CFAP95: variants seen among roughly 807,000 people sequenced by gnomAD.
CFAP95 encodes cilia and flagella associated protein 95.
At chr9:69,823,259 T>C in the CFAP95 span, among the ~76,000 whole-genome samples, 5 of 150,808 alleles carry the variant, frequency 3.3e-5, no homozygotes, top group Admixed American at 1.3e-4. Context: ...ACTATCATGA[T>C]AGCATGGGGA....
the CFAP95 span, among the ~76,000 whole-genome samples, chr9:69,880,969 T>C: frequency 1.7e-4 from 26 of 152,316 alleles, no homozygotes; most frequent in African/African-American, 6.3e-4. Flanking sequence ...TTTTGAGAAA[T>C]GTCTATTCAA....
the CFAP95 span, among the ~76,000 whole-genome samples, chr9:69,859,715 G>A: frequency 1.3e-5 from 2 of 152,146 alleles, no homozygotes; most frequent in Admixed American, 1.3e-4. Flanking sequence ...GAAATGTGTT[G>A]TTAGGTGATT....
the CFAP95 span, among the ~76,000 whole-genome samples, chr9:69,903,715 C>A: frequency 6.6e-6 from 1 of 152,284 alleles, no homozygotes; most frequent in African/African-American, 2.4e-5. Context: ...TTTCTAATGT[C>A]AGAATTGCTT....
At chr9:69,863,314 A>G in the CFAP95 span, among the ~76,000 whole-genome samples, 1 of 151,862 alleles carries the variant, frequency 6.6e-6, no homozygotes, top group African/African-American at 2.4e-5. Context: ...AGTCTCTAAC[A>G]TGGATAACTT....
At chr9:69,905,104 C>G in the CFAP95 span, among the ~76,000 whole-genome samples, 1 of 152,098 alleles carries the variant, frequency 6.6e-6, no homozygotes, top group Non-Finnish European at 1.5e-5. Flanking sequence ...TTGTGCCTAA[C>G]CCATAATAGG....
At chr9:69,857,619 G>T in the CFAP95 span, among the ~76,000 whole-genome samples, 4 of 152,148 alleles carry the variant, frequency 2.6e-5, no homozygotes, top group Admixed American at 2.6e-4. Flanking sequence ...CTGCCTCTCA[G>T]GTTCAAGCAA....
At chr9:69,838,320 G>A in the CFAP95 span, among the ~76,000 whole-genome samples, 1 of 151,848 alleles carries the variant, frequency 6.6e-6, no homozygotes, top group Non-Finnish European at 1.5e-5. Flanking sequence ...AATTACCTTG[G>A]GCAGTATGGC....
the CFAP95 span, chr9:69,857,989 C>T: frequency 3.1e-6 from 5 of 1,609,860 alleles, no homozygotes; most frequent in Non-Finnish European, 4.3e-6. Context: ...TTAGTAGTCC[C>T]TAAACTGCTA....
chr9:69,832,581 T>C, the CFAP95 span, among the ~76,000 whole-genome samples: 1 of 150,708 alleles, frequency 6.6e-6, no homozygotes, highest in Non-Finnish European at 1.5e-5. Context: ...AGCTCTGTGA[T>C]AATTTTCTTT....
chr9:69,852,493 C>A, the CFAP95 span, among the ~76,000 whole-genome samples: 1 of 152,076 alleles, frequency 6.6e-6, no homozygotes, highest in African/African-American at 2.4e-5. Flanking sequence ...TGCTGTGAAT[C>A]CCACCCCTTT....
chr9:69,880,777 C>G, the CFAP95 span, among the ~76,000 whole-genome samples: 1 of 152,164 alleles, frequency 6.6e-6, no homozygotes, highest in Non-Finnish European at 1.5e-5. Context: ...ATTCTTACAA[C>G]AGTATATAAG....
the CFAP95 span, among the ~76,000 whole-genome samples, chr9:69,839,530 G>A: frequency 1.3e-5 from 2 of 152,102 alleles, no homozygotes; most frequent in African/African-American, 2.4e-5. Context: ...GGGTTCAAGC[G>A]ATTCTCATGC....
the CFAP95 span, among the ~76,000 whole-genome samples, chr9:69,837,245 C>T: frequency 1.7e-4 from 26 of 152,276 alleles, no homozygotes; most frequent in Non-Finnish European, 3.1e-4. Flanking sequence ...GGTATATACC[C>T]AGTAATGGGA....
chr9:69,882,337 T>C, the CFAP95 span, among the ~76,000 whole-genome samples: 1 of 152,208 alleles, frequency 6.6e-6, no homozygotes, highest in East Asian at 1.9e-4. Flanking sequence ...TTTATCAGTA[T>C]AGTTTCTTTG....
chr9:69,841,192 A>ATATATATATATATATATATATG, the CFAP95 span, among the ~76,000 whole-genome samples: 24 of 124,426 alleles, frequency 1.9e-4, no homozygotes, highest in African/African-American at 6.9e-4. Flanking sequence ...ATATATATAT[A>ATATATATATATATATATATATG]TATATTTCTG....
the CFAP95 span, among the ~76,000 whole-genome samples, chr9:69,903,131 A>T: frequency 2.0e-5 from 3 of 152,230 alleles, no homozygotes; most frequent in Non-Finnish European, 2.9e-5. Context: ...ACTGACTGTC[A>T]GATGTGACTT....
At chr9:69,855,921 G>A in the CFAP95 span, among the ~76,000 whole-genome samples, 1 of 152,076 alleles carries the variant, frequency 6.6e-6, no homozygotes, top group Admixed American at 6.5e-5. Flanking sequence ...ATAAAGTAAT[G>A]GATTTTCTTG....
At chr9:69,855,643 A>C in the CFAP95 span, among the ~76,000 whole-genome samples, 2 of 152,154 alleles carry the variant, frequency 1.3e-5, no homozygotes, top group African/African-American at 4.8e-5. Context: ...GGATCTAGAG[A>C]GCCATGGAGT....
At chr9:69,831,636 G>C in the CFAP95 span, among the ~76,000 whole-genome samples, 2 of 152,140 alleles carry the variant, frequency 1.3e-5, no homozygotes, top group Admixed American at 1.3e-4. Flanking sequence ...GCGGTAAGCA[G>C]GTTGCTCAGG....
Sources: gnomAD v4.1 joint callset for allele counts (sites outside exome capture counted in the v4.1 genomes callset) on GRCh38, gnomAD v4.1.1 for gene constraint, MANE v1.5 for transcripts, NCBI Gene and HGNC (gene_info 2026-07-23, HGNC 2026-07-21) for gene names.